The following ST6GALNAC6 variants were observed in gnomAD, a reference collection of about 807,000 sequenced individuals.
The protein encoded by ST6GALNAC6 is alpha-N-acetylgalactosaminide alpha-2,6-sialyltransferase 6.
In ST6GALNAC6, 19 loss-of-function variants were observed where a neutral mutation model predicts 34.3. The observed-to-expected ratio is 0.55, with a 90% CI of 0.39 to 0.81. The LOEUF (loss-of-function observed/expected upper bound fraction) is 0.81, where lower values mean the gene tolerates loss of function less well. ST6GALNAC6 is among the 40% of genes least tolerant of loss of function. The pLI is 0.00. For synonymous variants in ST6GALNAC6, 185 were observed against 182.1 expected, an observed-to-expected ratio of 1.02 and a Z score of -0.13; for missense variants, 377 against 467.7, an observed-to-expected ratio of 0.81 and a Z score of 1.79.
chr9:127,901,681 C>G (rs1359863345), upstream of ST6GALNAC6, among the ~76,000 whole-genome samples: 1 of 151,648 alleles, frequency 6.6e-6, no homozygotes, highest in Non-Finnish European at 1.5e-5. Context: ...CCTGTAATCC[C>G]AGCACTTTGG....
At chr9:127,892,670 T>C (rs1295451043) in intron 4 of ST6GALNAC6, among the ~76,000 whole-genome samples, 2 of 152,210 alleles carry the variant, frequency 1.3e-5, no homozygotes, top group East Asian at 1.9e-4. Context: ...TAACCAGTCA[T>C]TGTTTCTTAG....
chr9:127,899,702 C>T (rs1283128930), upstream of ST6GALNAC6: 5 of 973,894 alleles, frequency 5.1e-6, no homozygotes, highest in Non-Finnish European at 6.1e-6. Context: ...GCTCCGCCCA[C>T]GGGCGGCGCG....
intron 4 of ST6GALNAC6, among the ~76,000 whole-genome samples, chr9:127,892,900 C>G (rs1180474819): frequency 6.6e-6 from 1 of 152,098 alleles, no homozygotes; most frequent in Non-Finnish European, 1.5e-5. Flanking sequence ...ATTCTCTAGT[C>G]CCCCTGCCTG....
intron 1 of ST6GALNAC6, among the ~76,000 whole-genome samples, chr9:127,899,067 A>C (rs1830638671): frequency 1.3e-5 from 2 of 152,050 alleles, no homozygotes; most frequent in African/African-American, 4.8e-5. Flanking sequence ...GGACGCCCCC[A>C]CGAACCCGCG....
Position 127,887,519 on chromosome 9 carries a change from C to T in ST6GALNAC6, c.777G>A (p.Val259=), listed in dbSNP as rs1224676971. 6.2e-7 allele frequency: 1 copy of T among 1,612,824 alleles called. No individual in the cohort carries two copies. The highest frequency in any genetic ancestry group is 1.7e-5 in the Admixed American group (1 of 59,872). Residue 259 remains valine, a synonymous_variant, in exon 6 of 7, where the codon GTG becomes GTA. Transcript: ENST00000373146. ...TGGGGGGGACCATGCCATAGACATG[C>T]ACGTGGTCACACAACTCCACCGCGA... ...MVIAVELCDH[V]HVYGMVPPNY...
intron 2 of ST6GALNAC6, chr9:127,896,802 G>T: frequency 1.1e-6 from 1 of 942,318 alleles, no homozygotes; most frequent in Non-Finnish European, 1.3e-6. Context: ...CATCCTCCAA[G>T]CCTGGCATGG....
Position 127,899,551 on chromosome 9 carries a change from T to A in ST6GALNAC6, c.-78A>T. The A allele has an allele frequency of 1.0e-6, 1 of 980,490 alleles. No individual in the cohort carries two copies. Among genetic ancestry groups the A allele is most frequent in the Non-Finnish European group, 1.2e-6 (1 of 827,986 alleles). The allele number at this position is 980,490 out of a possible 1,614,324, so 60.7% of individuals were successfully genotyped here. On this transcript the variant is annotated 5_prime_UTR_variant, in exon 1 of 7. An upstream start codon of the reference 5' UTR is lost. Coordinates refer to ENST00000373146, the MANE Select transcript of ST6GALNAC6 (RefSeq NM_013443.5). ...CCCGCGGCCCCCGAGCCCCCTCACA[T>A]GGCGCCGGGAGCCGAGCGCCGGGGT... is the stretch of plus-strand genomic sequence containing the variant.
chr9:127,898,142 C>T (rs915601447), intron 1 of ST6GALNAC6, 132 bp from the exon 2 acceptor site: 6 of 640,198 alleles, frequency 9.4e-6, no homozygotes, highest in Middle Eastern at 8.2e-4. Context: ...CGTCTGTAAT[C>T]CCAGCCCTTT....
At chr9:127,902,159 G>GGTTATTT (rs1830779544), upstream of ST6GALNAC6, among the ~76,000 whole-genome samples, 1 of 151,976 alleles carries the variant, frequency 6.6e-6, no homozygotes, top group South Asian at 2.1e-4. Flanking sequence ...TAGTGTTTTT[G>GGTTATTT]GTTTTTTGTT....
At chr9:127,888,759 T>C (rs1368592631) in intron 5 of ST6GALNAC6, among the ~76,000 whole-genome samples, 5 of 152,146 alleles carry the variant, frequency 3.3e-5, no homozygotes, top group African/African-American at 1.2e-4. Flanking sequence ...TGAGCTGAGA[T>C]TGTGCCACTG....
In ST6GALNAC6 at chr9:127,890,942, G is replaced by T. The variant is rs1419155224; in HGVS notation, c.399C>A (p.Ile133=). The T allele has an allele frequency of 2.5e-6, 4 of 1,614,044 alleles. No individual in the cohort carries two copies. The highest frequency in any genetic ancestry group is 3.4e-6 in the Non-Finnish European group (4 of 1,180,044). The change falls in exon 5 of 7, where the codon ATC becomes ATA. Residue 133 remains isoleucine, a synonymous_variant. Coordinates refer to ENST00000373146, the MANE Select transcript of ST6GALNAC6 (RefSeq NM_013443.5). This position sits in a 1 kb window ranked among gnomAD's most constrained non-coding sequence, Gnocchi z 4.3. ...CAGTGGTGGGTGCATCATTCATGCG[G>T]ATTGTACACTCAGCCCGCTCGATCT... ...GPEIERAECT[I]RMNDAPTTGY...
upstream of ST6GALNAC6, chr9:127,905,842 G>T: frequency 1.5e-6 from 1 of 682,388 alleles, no homozygotes; most frequent in African/African-American, 1.9e-5. Flanking sequence ...AGAAAGTGGG[G>T]CCAGAAAGAA....
chr9:127,905,869 A>T, upstream of ST6GALNAC6: 1 of 908,740 alleles, frequency 1.1e-6, no homozygotes, highest in Non-Finnish European at 1.3e-6. Context: ...CCTTGACTCC[A>T]GGGCCCTCCC....
chr9:127,893,998 A>G (rs974277768), intron 4 of ST6GALNAC6, among the ~76,000 whole-genome samples: 2 of 152,118 alleles, frequency 1.3e-5, no homozygotes, highest in South Asian at 2.1e-4. Flanking sequence ...GGAAAATACC[A>G]TCTTCTTCCT....
At chr9:127,886,819 C>A (rs774330826) in intron 6 of ST6GALNAC6, 31 bp from the exon 7 acceptor site, 2 of 1,567,494 alleles carry the variant, frequency 1.3e-6, no homozygotes, top group Admixed American at 1.8e-5. Flanking sequence ...GTCATCAGGG[C>A]AAGGTGAGCG....
At chr9:127,901,378 T>A (rs1304850853), upstream of ST6GALNAC6, among the ~76,000 whole-genome samples, 3 of 151,084 alleles carry the variant, frequency 2.0e-5, no homozygotes, top group African/African-American at 7.3e-5. Context: ...TCACTTGAGG[T>A]CAGGAGTTCG....
upstream of ST6GALNAC6, chr9:127,903,217 TC>T (rs1446480381): frequency 2.0e-5 from 3 of 151,780 alleles, no homozygotes; most frequent in African/African-American, 7.3e-5. Context: ...CAGGATGGTC[TC>T]CATCTCCTGA....
At position 127,898,002 on chromosome 9, in the gene ST6GALNAC6, T is replaced by C. The variant is rs1830576934; in HGVS notation, c.-21A>G. On this transcript the variant is annotated 5_prime_UTR_variant, in exon 2 of 7. Transcript: ENST00000373146. ...GCCATGTGACCTCTCTGAGCCTCAG[T>C]TTCCTCATCTGTGAAATGGGAACAA... 7.0e-7 allele frequency: 1 copy of C among 1,428,952 alleles called. No individual in the cohort carries two copies. The highest frequency in any genetic ancestry group is 2.3e-5 in the East Asian group (1 of 42,916). The allele number at this position is 1,428,952 out of a possible 1,614,324, so 88.5% of individuals were successfully genotyped here.
rs1564480710 is a variant in ST6GALNAC6, at chr9:127,886,573, TC to T, written c.*25del. ...GCGGAGGCTGCTTCTCCTCTGACCCTCCTGAGGTCCCACAGGCTGGGTGGCC... is the reference window on the plus strand; with the variant it reads ...GCGGAGGCTGCTTCTCCTCTGACCCTCTGAGGTCCCACAGGCTGGGTGGCC... On this transcript the variant is annotated 3_prime_UTR_variant, in exon 7 of 7. Transcript: ENST00000373146. The T allele has an allele frequency of 1.2e-6, 2 of 1,612,882 alleles. No individual in the cohort carries two copies. Among genetic ancestry groups the T allele is most frequent in the Admixed American group, 3.3e-5 (2 of 59,900 alleles).
Sources: allele counts gnomAD v4.1 joint callset (sites outside exome capture counted in the v4.1 genomes callset), GRCh38; gene constraint gnomAD v4.1.1; non-coding constraint Gnocchi (gnomAD v3.1); transcripts MANE v1.5; gene names NCBI Gene and HGNC (gene_info 2026-07-23, HGNC 2026-07-21).